Variants in KLRG1 observed in about 807,000 individuals in gnomAD.
KLRG1 encodes the protein killer cell lectin-like receptor subfamily G member 1.
Under a neutral mutation model 21.8 loss-of-function variants are expected in KLRG1, and 16 were observed. That is an observed-to-expected ratio of 0.73 (90% CI 0.50 to 1.11). The LOEUF is 1.11. Among genes scored for constraint, KLRG1 ranks in the 50% most tolerant of loss-of-function variants. The probability of loss-of-function intolerance (pLI) is 0.00; values close to 1 mark genes in which losing one functional copy is unlikely to be tolerated. For synonymous variants in KLRG1, 69 were observed against 75.9 expected, an observed-to-expected ratio of 0.91 and a Z score of 0.47; for missense variants, 173 against 218.3, an observed-to-expected ratio of 0.79 and a Z score of 1.31.
chr12:9,093,015 T>G, the KLRG1 span, among the ~76,000 whole-genome samples: 1 of 152,194 alleles, frequency 6.6e-6, no homozygotes, highest in Non-Finnish European at 1.5e-5. Flanking sequence ...GGACAAGTAC[T>G]GCGTGATCTT....
At chr12:9,099,408 A>G in the KLRG1 span, 7 of 1,566,648 alleles carry the variant, frequency 4.5e-6, no homozygotes, top group Non-Finnish European at 6.1e-6. Context: ...TTTCAACATC[A>G]TATTTTGCAG....
the KLRG1 span, chr12:9,160,554 C>T: frequency 1.4e-6 from 2 of 1,447,882 alleles, no homozygotes; most frequent in Non-Finnish European, 1.9e-6. Flanking sequence ...ACATTATTAA[C>T]AAAAATGGCC....
the KLRG1 span, chr12:9,106,247 A>G: frequency 6.2e-7 from 1 of 1,607,618 alleles, no homozygotes; most frequent in Non-Finnish European, 8.5e-7. Flanking sequence ...TGCCCAAAGA[A>G]GGGAATTCCC....
chr12:9,084,560 A>C, the KLRG1 span, among the ~76,000 whole-genome samples: 1 of 151,882 alleles, frequency 6.6e-6, no homozygotes, highest in African/African-American at 2.4e-5. Context: ...AAAAATTTTA[A>C]AAGATTCAAA....
chr12:9,157,957 T>TTC, the KLRG1 span: 24 of 861,412 alleles, frequency 2.8e-5, no homozygotes, highest in South Asian at 4.9e-5. Flanking sequence ...TACCATTTCC[T>TTC]TCTCTCTCTC....
chr12:9,089,994 C>T, the KLRG1 span: 1 of 1,599,816 alleles, frequency 6.3e-7, no homozygotes. Flanking sequence ...GACTCTAGTG[C>T]CTCTGCGCTC....
the KLRG1 span, among the ~76,000 whole-genome samples, chr12:9,026,801 T>G: frequency 1.1e-4 from 16 of 152,140 alleles, no homozygotes; most frequent in African/African-American, 3.9e-4. Flanking sequence ...CTTAAAACAT[T>G]ATGGAGTGTT....
chr12:9,023,723 T>C, the KLRG1 span, among the ~76,000 whole-genome samples: 2 of 151,732 alleles, frequency 1.3e-5, no homozygotes, highest in Non-Finnish European at 2.9e-5. Context: ...GCCTGGCCAA[T>C]TAAAAAAAAT....
chr12:9,022,730 T>C, the KLRG1 span, among the ~76,000 whole-genome samples: 2 of 152,168 alleles, frequency 1.3e-5, no homozygotes, highest in South Asian at 4.2e-4. Flanking sequence ...CTCTGTAATA[T>C]ATGCCTACGT....
At chr12:9,211,510 G>A in the KLRG1 span, among the ~76,000 whole-genome samples, 2 of 151,772 alleles carry the variant, frequency 1.3e-5, no homozygotes, top group Non-Finnish European at 2.9e-5. Context: ...ATTTTATTTA[G>A]TTGTCTATCT....
At chr12:9,148,701 C>T in the KLRG1 span, 1 of 376,448 alleles carries the variant, frequency 2.7e-6, no homozygotes, top group Non-Finnish European at 4.7e-6. Flanking sequence ...ATTTCTTTAC[C>T]TGCAACCTCC....
chr12:8,986,936 T>C (rs1021996969), upstream of KLRG1, among the ~76,000 whole-genome samples: 1 of 152,184 alleles, frequency 6.6e-6, no homozygotes. Flanking sequence ...GCTCTGGCCA[T>C]GTAAGACATT....
intron 4 of KLRG1, 64 bp from the exon 5 acceptor site, chr12:9,009,362 A>C (rs1947577059): frequency 6.3e-7 from 1 of 1,592,988 alleles, no homozygotes. Flanking sequence ...TTATCCCTTC[A>C]TGCCTTTCAA....
chr12:9,039,299 G>T, the KLRG1 span, among the ~76,000 whole-genome samples: 4 of 152,232 alleles, frequency 2.6e-5, no homozygotes, highest in African/African-American at 9.6e-5. Flanking sequence ...AGCTTAGATT[G>T]CGTATGTGAA....
chr12:9,100,174 A>G, the KLRG1 span, among the ~76,000 whole-genome samples: 36 of 152,292 alleles, frequency 2.4e-4, no homozygotes, highest in East Asian at 6.4e-3. Flanking sequence ...GAAGTACCCA[A>G]TTTAATGCTT....
the KLRG1 span, chr12:9,109,962 G>C: frequency 6.2e-7 from 1 of 1,613,738 alleles, no homozygotes; most frequent in Admixed American, 1.7e-5. Flanking sequence ...TGATGAGAGG[G>C]GAAAAGAAAA....
intron 1 of KLRG1, among the ~76,000 whole-genome samples, chr12:8,972,234 T>A (rs1295746813): frequency 1.3e-5 from 2 of 152,160 alleles, no homozygotes; most frequent in Non-Finnish European, 2.9e-5. Context: ...CTCAGCTCAC[T>A]GCAAGCTCCA....
chr12:9,089,076 C>A, the KLRG1 span: 1 of 757,170 alleles, frequency 1.3e-6, no homozygotes, highest in Middle Eastern at 3.6e-4. Context: ...CCACATTTGT[C>A]AAATGCATTG....
the KLRG1 span, chr12:9,157,898 T>A: frequency 7.0e-7 from 1 of 1,422,898 alleles, no homozygotes; most frequent in Non-Finnish European, 9.9e-7. Context: ...TATATTCTCT[T>A]CTGTTGTTTG....
Sources: gnomAD v4.1 joint callset for allele counts (sites outside exome capture counted in the v4.1 genomes callset) on GRCh38, gnomAD v4.1.1 for gene constraint, MANE v1.5 for transcripts, NCBI Gene and HGNC (gene_info 2026-07-23, HGNC 2026-07-21) for gene names.